The following CHRNA7 variants were observed in gnomAD, a reference collection of about 807,000 sequenced individuals.
The protein encoded by CHRNA7 is cholinergic receptor nicotinic alpha 7 subunit, also known as neuronal acetylcholine receptor subunit alpha-7.
CHRNA7 carries 17 observed loss-of-function variants against 48.0 expected under a neutral mutation model. That is an observed-to-expected ratio of 0.35 (90% CI 0.24 to 0.53). The LOEUF is 0.53. CHRNA7 is among the 20% of genes least tolerant of loss of function. The pLI, the probability that CHRNA7 is intolerant of heterozygous loss-of-function variation, is 0.92. For synonymous variants in CHRNA7, 75 were observed against 242.3 expected (o/e 0.31, Z 6.41); for missense variants, 155 against 577.7 (o/e 0.27, Z 7.50).
chr15:32,087,491 A>G (rs780391593), intron 2 of CHRNA7, among the ~76,000 whole-genome samples: 113 of 152,144 alleles, frequency 7.4e-4, no homozygotes, highest in Admixed American at 1.8e-3. Context: ...GTTCATTGCC[A>G]TTGGGGCGTC....
chr15:32,078,529 C>T (rs2050167871), intron 2 of CHRNA7, among the ~76,000 whole-genome samples: 1 of 151,962 alleles, frequency 6.6e-6, no homozygotes, highest in South Asian at 2.1e-4. Flanking sequence ...TTATTTAAAA[C>T]TAGAAAACCT....
intron 2 of CHRNA7, among the ~76,000 whole-genome samples, chr15:32,069,966 A>AT (rs373543887): frequency 2.0e-5 from 3 of 152,154 alleles, no homozygotes; most frequent in African/African-American, 7.2e-5. Flanking sequence ...TTTTTATCTG[A>AT]TTTTCCCCCC....
chr15:32,125,820 ACT>A (rs148789880), intron 4 of CHRNA7, among the ~76,000 whole-genome samples: 400 of 152,022 alleles, frequency 2.6e-3, no homozygotes, highest in African/African-American at 9.0e-3. Context: ...CTTGTGAAAG[ACT>A]CTGTCCTGCT....
At chr15:32,072,939 G>A (rs1173029072) in intron 2 of CHRNA7, among the ~76,000 whole-genome samples, 1 of 152,220 alleles carries the variant, frequency 6.6e-6, no homozygotes, top group African/African-American at 2.4e-5. Context: ...ATAGGGTAGT[G>A]CTGAGGGGAA....
intron 2 of CHRNA7, among the ~76,000 whole-genome samples, chr15:32,061,110 A>G (rs947773339): frequency 3.9e-5 from 6 of 152,140 alleles, no homozygotes; most frequent in Non-Finnish European, 7.4e-5. Context: ...CATTCTCCCG[A>G]TGTTGTTGAT....
At chr15:32,050,845 T>A (rs1457758072) in intron 2 of CHRNA7, among the ~76,000 whole-genome samples, 3 of 152,202 alleles carry the variant, frequency 2.0e-5, no homozygotes, top group East Asian at 3.8e-4. Flanking sequence ...CCTGTCTGTT[T>A]GTTAGTTTTC....
chr15:32,114,846 A>G (rs1326013881), intron 4 of CHRNA7, among the ~76,000 whole-genome samples: 1 of 152,250 alleles, frequency 6.6e-6, no homozygotes, highest in African/African-American at 2.4e-5. Context: ...CATTGGGCAC[A>G]GCCATGGGCT....
chr15:32,156,279 C>A (rs2051737208), intron 5 of CHRNA7: 1 of 106,154 alleles, frequency 9.4e-6, no homozygotes, highest in Non-Finnish European at 2.0e-5. Flanking sequence ...TTGGGGGGAT[C>A]CAACTATTAA....
At chr15:32,090,932 C>T (rs1350438418) in intron 2 of CHRNA7, among the ~76,000 whole-genome samples, 1 of 152,106 alleles carries the variant, frequency 6.6e-6, no homozygotes, top group African/African-American at 2.4e-5. Flanking sequence ...ATCTCTTTAT[C>T]TTTCTGAGTT....
intron 4 of CHRNA7, among the ~76,000 whole-genome samples, chr15:32,130,128 A>G (rs1392052426): frequency 2.6e-5 from 4 of 152,002 alleles, no homozygotes; most frequent in East Asian, 3.8e-4. Flanking sequence ...GATATGGTCT[A>G]TCTTGGTATA....
chr15:32,098,621 G>GACT (rs1296700561), intron 2 of CHRNA7: 1 of 152,398 alleles, frequency 6.6e-6, no homozygotes, highest in Non-Finnish European at 1.5e-5. Context: ...AAAGGCTCAG[G>GACT]ACTGGGTGCA....
intron 4 of CHRNA7, among the ~76,000 whole-genome samples, chr15:32,139,670 G>T (rs2051341857): frequency 6.6e-6 from 1 of 151,778 alleles, no homozygotes; most frequent in African/African-American, 2.4e-5. Flanking sequence ...CTTTGCTCAG[G>T]TGTCTGTTAA....
intron 4 of CHRNA7, among the ~76,000 whole-genome samples, chr15:32,113,309 G>C (rs1053366548): frequency 6.6e-6 from 1 of 152,084 alleles, no homozygotes; most frequent in African/African-American, 2.4e-5. Flanking sequence ...AGTCAAATTA[G>C]AGTAGGGCCC....
intron 3 of CHRNA7, 135 bp from the exon 4 acceptor site, chr15:32,111,655 A>G (rs908133012): frequency 5.1e-6 from 3 of 583,760 alleles, no homozygotes; most frequent in South Asian, 2.5e-5. Context: ...CATTTTCATT[A>G]TATTTTATAA....
rs534668425 is a variant in CHRNA7, at chr15:32,047,825, A to C, written c.195+16788A>C. On this transcript the variant is annotated intron_variant, in intron 2 of 9. Coordinates refer to ENST00000306901, the MANE Select transcript of CHRNA7 (RefSeq NM_000746.6). ...TGTGGGTTTGTCATAGATAGCTCTT[A>C]TTATTTTGAGATACATCCCATCAAT... Among the ~76,000 whole-genome samples the C allele has an allele frequency of 2.0e-5, 3 of 152,274 alleles. No homozygotes were observed. In the East Asian group the frequency reaches 5.8e-4, roughly 29 times the overall value.
At chr15:32,031,241 G>A (rs1901824372) in intron 2 of CHRNA7, among the ~76,000 whole-genome samples, 1 of 152,106 alleles carries the variant, frequency 6.6e-6, no homozygotes, top group African/African-American at 2.4e-5. Context: ...AGCCAAGGAG[G>A]GACCTGGTAA....
chr15:32,042,339 C>T (rs541238615), intron 2 of CHRNA7, among the ~76,000 whole-genome samples: 2 of 152,116 alleles, frequency 1.3e-5, no homozygotes, highest in Middle Eastern at 3.2e-3. Context: ...CATAATACCC[C>T]GGAGGGTTAG....
intron 4 of CHRNA7, chr15:32,112,302 C>T (rs1237374774): frequency 4.3e-6 from 2 of 460,110 alleles, no homozygotes; most frequent in Non-Finnish European, 8.7e-6. Context: ...CAGTTTGGAC[C>T]CACATCCTCG....
intron 2 of CHRNA7, among the ~76,000 whole-genome samples, chr15:32,075,203 G>A (rs548673271): frequency 1.3e-5 from 2 of 152,142 alleles, no homozygotes; most frequent in East Asian, 3.9e-4. Context: ...GTTTCTGTAA[G>A]CAGGGTAATA....
Sources: gnomAD v4.1 joint callset for allele counts (sites outside exome capture counted in the v4.1 genomes callset) on GRCh38, gnomAD v4.1.1 for gene constraint, MANE v1.5 for transcripts, NCBI Gene and HGNC (gene_info 2026-07-23, HGNC 2026-07-21) for gene names.